Variants in SLC33A1 observed in about 807,000 individuals in gnomAD.
SLC33A1 encodes the protein acetyl-coenzyme A transporter 1.
SLC33A1 carries 20 observed loss-of-function variants against 50.0 expected under a neutral mutation model. That is an observed-to-expected ratio of 0.40 (90% CI 0.28 to 0.58). SLC33A1 has a LOEUF of 0.58. SLC33A1 is among the 20% of genes least tolerant of loss of function. The pLI, the probability that SLC33A1 is intolerant of heterozygous loss-of-function variation, is 0.44. For synonymous variants in SLC33A1, 265 were observed against 251.8 expected (o/e 1.05, Z -0.50); for missense variants, 476 against 657.0 (o/e 0.72, Z 3.01).
intron 1 of SLC33A1, among the ~76,000 whole-genome samples, chr3:155,847,177 C>T (rs1490181603): frequency 6.6e-6 from 1 of 152,104 alleles, no homozygotes; most frequent in Non-Finnish European, 1.5e-5. Context: ...CACTACACTC[C>T]AGCCTGGATG....
chr3:155,828,333 A>G lies in SLC33A1; in HGVS notation c.1527T>C (p.Gly509=), dbSNP rs774012144. The G allele has an allele frequency of 1.9e-6, 3 of 1,607,412 alleles. No individual in the cohort carries two copies. Among genetic ancestry groups the G allele is most frequent in the Admixed American group, 3.3e-5 (2 of 60,010 alleles). Residue 509 remains glycine (G), a synonymous_variant, in exon 6 of 6, where the codon GGT becomes GGC. Transcript: ENST00000643144. ...LGGSCVTALD[G]YYVESIICVF... ...CACAAATAATGGACTCCACATAATA[A>G]CCATCCAGGGCTGTAACACATGAGC...
intron 2 of SLC33A1, among the ~76,000 whole-genome samples, chr3:155,841,050 T>A (rs763066352): frequency 2.0e-5 from 3 of 147,828 alleles, no homozygotes; most frequent in Non-Finnish European, 4.5e-5. Flanking sequence ...TTTCCATTCT[T>A]TTTTTTTTTC....
chr3:155,830,057 C>A (rs1752349854), intron 4 of SLC33A1, among the ~76,000 whole-genome samples, 154 bp from the exon 5 acceptor site: 1 of 152,020 alleles, frequency 6.6e-6, no homozygotes, highest in South Asian at 2.1e-4. Flanking sequence ...TACTATAGGC[C>A]AGGCTTTAAG....
chr3:155,838,680 CAA>C (rs539049380), intron 2 of SLC33A1, among the ~76,000 whole-genome samples: 87 of 65,800 alleles, frequency 1.3e-3, no homozygotes, highest in Middle Eastern at 0.012. Flanking sequence ...GACTCTGTCT[CAA>C]AAAAAAAAAA....
At chr3:155,852,857 G>T (rs1165781712) in intron 1 of SLC33A1, among the ~76,000 whole-genome samples, 1 of 152,138 alleles carries the variant, frequency 6.6e-6, no homozygotes, top group African/African-American at 2.4e-5. Context: ...GGTAGAAATG[G>T]ATTAGAAAGT....
In SLC33A1 at chr3:155,853,759, A is replaced by T. The variant is rs1753511076; in HGVS notation, c.239T>A (p.Phe80Tyr). The T allele has an allele frequency of 3.1e-6, 5 of 1,613,982 alleles. No homozygotes were observed. Among genetic ancestry groups the T allele is most frequent in the Non-Finnish European group, 4.2e-6 (5 of 1,180,012 alleles). ...GGGAATACCCTGAAGCACGTAAAGA[A>T]AGAGTAGTAGCAAAATGCTGCTTAG... ...AELSSILLLLFLYVLQGIPLG... is the reference protein window; with the variant it reads ...AELSSILLLLYLYVLQGIPLG... Residue 80 changes from phenylalanine to tyrosine, a missense_variant, in exon 1 of 6, where the codon TTT (phenylalanine) becomes TAT (tyrosine). By Grantham distance (22) the Phe-to-Tyr change is conservative. Transcript: ENST00000643144.
chr3:155,852,763 C>A (rs1753447229), intron 1 of SLC33A1, among the ~76,000 whole-genome samples: 2 of 152,184 alleles, frequency 1.3e-5, no homozygotes, highest in Non-Finnish European at 2.9e-5. Context: ...CTTAGAATCC[C>A]GTCCCTTAGC....
intron 1 of SLC33A1, among the ~76,000 whole-genome samples, chr3:155,846,433 A>G (rs1182173487): frequency 2.0e-5 from 3 of 151,328 alleles, no homozygotes; most frequent in South Asian, 2.1e-4. Flanking sequence ...GGTCTGGAAC[A>G]TAGATATTTT....
At chr3:155,841,232 GT>G (rs1408432496) in intron 2 of SLC33A1, among the ~76,000 whole-genome samples, 1 of 151,926 alleles carries the variant, frequency 6.6e-6, no homozygotes, top group South Asian at 2.1e-4. Flanking sequence ...TACCCAGATA[GT>G]TTTTTTATTT....
At position 155,833,589 on chromosome 3, in the gene SLC33A1, T is replaced by C. The variant is rs773106675; in HGVS notation, c.1149-4A>G. The C allele has an allele frequency of 3.3e-5, 49 of 1,503,272 alleles. No individual in the cohort carries two copies. The highest frequency in any genetic ancestry group is 1.1e-5 in the South Asian group (1 of 88,820). 93.1% of individuals were successfully genotyped at this position (1,503,272 alleles called of 1,614,324 possible). On this transcript the variant is annotated splice_polypyrimidine_tract_variant and splice_region_variant and intron_variant, in intron 3 of 5. Coordinates refer to ENST00000643144, the MANE Select transcript of SLC33A1 (RefSeq NM_004733.4). ...ATATTCTAACCCAAGCAATAATCTA[T>C]AGAGAAAGAAACATTGAGTTGACTT...
intron 2 of SLC33A1, among the ~76,000 whole-genome samples, chr3:155,836,208 TG>T (rs1752653201): frequency 7.8e-6 from 1 of 128,228 alleles, no homozygotes; most frequent in Admixed American, 9.8e-5. Context: ...CGCTTGAACC[TG>T]GGAGGTGGAA....
chr3:155,839,997 T>C (rs1370775386), intron 2 of SLC33A1, among the ~76,000 whole-genome samples: 3 of 151,984 alleles, frequency 2.0e-5, no homozygotes, highest in East Asian at 1.9e-4. Context: ...AGTATACGTA[T>C]ACACACATAC....
At chr3:155,837,563 C>T (rs1250928008) in intron 2 of SLC33A1, among the ~76,000 whole-genome samples, 2 of 152,116 alleles carry the variant, frequency 1.3e-5, no homozygotes, top group African/African-American at 4.8e-5. Flanking sequence ...CACCTATCTT[C>T]ACCAAAAGTC....
intron 4 of SLC33A1, among the ~76,000 whole-genome samples, chr3:155,830,683 C>A (rs1018121617): frequency 1.3e-5 from 2 of 151,684 alleles, no homozygotes; most frequent in African/African-American, 4.8e-5. Context: ...TTGTACTGTA[C>A]CTAAATATGT....
chr3:155,840,075 T>G (rs981035428), intron 2 of SLC33A1, among the ~76,000 whole-genome samples: 25 of 149,568 alleles, frequency 1.7e-4, no homozygotes, highest in Admixed American at 2.7e-4. Flanking sequence ...GTCAATACTG[T>G]TTTTTTTTAA....
intron 2 of SLC33A1, among the ~76,000 whole-genome samples, 179 bp from the exon 3 acceptor site, chr3:155,834,220 G>A (rs1752566058): frequency 6.6e-6 from 1 of 151,954 alleles, no homozygotes; most frequent in African/African-American, 2.4e-5. Context: ...TTTGCCTTAT[G>A]GTTTTCTAAT....
At chr3:155,846,294 G>A (rs1198736713) in intron 1 of SLC33A1, among the ~76,000 whole-genome samples, 1 of 152,190 alleles carries the variant, frequency 6.6e-6, no homozygotes, top group Non-Finnish European at 1.5e-5. Context: ...CTGCGGTCTA[G>A]TTCTAAAGCA....
intron 1 of SLC33A1, among the ~76,000 whole-genome samples, chr3:155,850,956 T>A (rs1175760984): frequency 6.6e-6 from 1 of 151,446 alleles, no homozygotes; most frequent in Non-Finnish European, 1.5e-5. Flanking sequence ...TTAATTAATT[T>A]ATTTTGGCTG....
At chr3:155,850,670 G>A (rs1366449549) in intron 1 of SLC33A1, among the ~76,000 whole-genome samples, 1 of 150,700 alleles carries the variant, frequency 6.6e-6, no homozygotes, top group Non-Finnish European at 1.5e-5. Context: ...AGACTGGAAT[G>A]CAATGGTGCG....
Sources: gnomAD v4.1 joint callset for allele counts (sites outside exome capture counted in the v4.1 genomes callset) on GRCh38, gnomAD v4.1.1 for gene constraint, MANE v1.5 for transcripts, NCBI Gene and HGNC (gene_info 2026-07-23, HGNC 2026-07-21) for gene names.